CADPS: variants seen among roughly 807,000 people sequenced by gnomAD.
The protein encoded by CADPS is calcium dependent secretion activator.
Under a neutral mutation model 167.3 loss-of-function variants are expected in CADPS, and 57 were observed. The observed-to-expected ratio is 0.34, with a 90% CI of 0.28 to 0.42. The LOEUF is 0.42. Ranked by LOEUF, CADPS falls within the 20% of genes least tolerant of loss-of-function variation. The pLI is 1.00. For missense variants in CADPS, 1,414 were observed against 1,738.1 expected, an observed-to-expected ratio of 0.81 and a Z score of 3.32; for synonymous variants, 676 against 635.3, an observed-to-expected ratio of 1.06 and a Z score of -0.96.
intron 3 of CADPS, among the ~76,000 whole-genome samples, chr3:62,731,609 T>C (rs537647191): frequency 6.6e-6 from 1 of 151,976 alleles, no homozygotes; most frequent in East Asian, 1.9e-4. Flanking sequence ...TGAAAAGCCA[T>C]CACAAGTACT....
chr3:62,837,837 A>G (rs1036709121), intron 1 of CADPS, among the ~76,000 whole-genome samples: 1 of 152,298 alleles, frequency 6.6e-6, no homozygotes, highest in Non-Finnish European at 1.5e-5. Context: ...AAATGAAGGA[A>G]AATTGTAACT....
In CADPS at chr3:62,547,588, C is replaced by G. The variant is rs113869286; in HGVS notation, c.1966+2315G>C. Among the ~76,000 whole-genome samples, 18 of 60,728 alleles carry G rather than the reference C, an allele frequency of 3.0e-4. No homozygotes were observed. The South Asian group carries it at 4.3e-3, about 15-fold the overall frequency. 39.8% of individuals were successfully genotyped at this position (60,728 alleles called of 152,430 possible). On this transcript the variant is annotated intron_variant, in intron 11 of 29. Transcript: ENST00000383710. ...TCCCTAGGGATGATATCATTTACGC[C>G]CCCCCCCCCCCGCAAATTCTAACTC...
At chr3:62,443,059 T>TA (rs1226524471) in intron 27 of CADPS, among the ~76,000 whole-genome samples, 3 of 152,302 alleles carry the variant, frequency 2.0e-5, no homozygotes, top group East Asian at 1.9e-4. Context: ...TAATAGCTGG[T>TA]AAAAAAATAC....
At chr3:62,598,804 T>TTTA (rs1334996187) in intron 6 of CADPS, among the ~76,000 whole-genome samples, 7 of 152,214 alleles carry the variant, frequency 4.6e-5, no homozygotes, top group Non-Finnish European at 7.3e-5. Context: ...CATTCACTGC[T>TTTA]TTATGTCTTG....
intron 1 of CADPS, among the ~76,000 whole-genome samples, chr3:62,856,747 C>A (rs2079765008): frequency 6.6e-6 from 1 of 151,604 alleles, no homozygotes; most frequent in East Asian, 1.9e-4. Context: ...GCATTTAACA[C>A]AACTAGAGAG....
intron 3 of CADPS, among the ~76,000 whole-genome samples, chr3:62,681,487 T>C (rs1487384087): frequency 6.6e-6 from 1 of 152,030 alleles, no homozygotes; most frequent in African/African-American, 2.4e-5. Context: ...AAATGGATCT[T>C]CCTTCTATTG....
At chr3:62,812,890 T>C (rs896080631) in intron 1 of CADPS, among the ~76,000 whole-genome samples, 6 of 152,090 alleles carry the variant, frequency 3.9e-5, no homozygotes, top group Non-Finnish European at 8.8e-5. Flanking sequence ...CTGGTGGAAA[T>C]TAAATGAGCT....
chr3:62,456,699 T>A lies in CADPS; in HGVS notation c.3636+8668A>T, dbSNP rs1020469930. On this transcript the variant is annotated intron_variant, in intron 26 of 29. Transcript: ENST00000383710. ...TATCCTGCACTTGGGATATACTCAG[T>A]GGTATGCTGGTTTCTGAAAAGCTCA... Among the ~76,000 whole-genome samples the A allele has an allele frequency of 4.0e-5, 6 of 151,270 alleles. No homozygotes were observed. In the East Asian group the frequency reaches 9.7e-4, roughly 24 times the overall value.
intron 1 of CADPS, among the ~76,000 whole-genome samples, chr3:62,803,981 T>C (rs1239561403): frequency 1.3e-5 from 2 of 152,092 alleles, no homozygotes; most frequent in African/African-American, 2.4e-5. Context: ...GGCCTTCTAA[T>C]GTCACTGGAA....
At position 62,433,958 on chromosome 3, in the gene CADPS, T is replaced by A. The variant is rs1011800547; in HGVS notation, c.3777+4146A>T. 3.9e-5 allele frequency among the ~76,000 whole-genome samples: 6 copies of A among 152,202 alleles called. No individual in the cohort carries two copies. Among genetic ancestry groups the A allele is most frequent in the African/African-American group, 1.4e-4 (6 of 41,452 alleles). On this transcript the variant is annotated intron_variant, in intron 28 of 29. Transcript: ENST00000383710. This position sits in a 1 kb window ranked among gnomAD's most constrained non-coding sequence, Gnocchi z 4.7. ...ACTTTAAATCACTGTCTTCAAGTTA[T>A]TTCTTGAGCTTGTGCTTTCCTCTGT...
rs749601515 is a variant in CADPS at position 62,399,452 on chromosome 3, C to T, written c.4016G>A (p.Gly1339Asp). The T allele has an allele frequency of 1.2e-6, 2 of 1,614,156 alleles. No homozygotes were observed. The highest frequency in any genetic ancestry group is 8.5e-7 in the Non-Finnish European group (1 of 1,179,998). ...ASVSEGGGLQ[G>D]ISMKDSDEED... The stretch of plus-strand genomic sequence containing the variant: ...CTCATCGCTGTCCTTCATGCTGATG[C>T]CCTGCAGTCCCCCACCTTCACTCAC... Residue 1339 changes from glycine to aspartate, a missense_variant, in exon 30 of 30, where the codon GGC becomes GAC. By Grantham distance (94) the Gly-to-Asp change is moderately conservative. Around this residue, in one of 6 missense-constraint regions of CADPS, gnomAD observed 185 missense variants for 251.5 expected, o/e 0.74. Transcript: ENST00000383710. This position sits in a 1 kb window ranked among gnomAD's most constrained non-coding sequence, Gnocchi z 5.6.
At chr3:62,555,745 C>CAAA (rs1476872173) in intron 10 of CADPS, among the ~76,000 whole-genome samples, 1 of 152,046 alleles carries the variant, frequency 6.6e-6, no homozygotes, top group African/African-American at 2.4e-5. Context: ...TTATTCTTTA[C>CAAA]AATTCTATTT....
chr3:62,438,937 A>G lies in CADPS; in HGVS notation c.3670-726T>C, dbSNP rs761192121. On this transcript the variant is annotated intron_variant, in intron 27 of 29. Transcript: ENST00000383710. The surrounding 1 kb of genome is among the most constrained non-coding windows in gnomAD (Gnocchi z 4.7). ...AGAGGATTTGATTTTTAAATAAATC[A>G]GATTTTCTGGAAAGGTAAGCTGGTG... 1.4e-4 allele frequency: 22 copies of G among 152,162 alleles called. No individual in the cohort carries two copies. Among genetic ancestry groups the G allele is most frequent in the African/African-American group, 2.9e-4 (12 of 41,432 alleles). 9.4% of individuals were successfully genotyped at this position (152,162 alleles called of 1,614,324 possible).
At chr3:62,437,822 G>C (rs897487138) in intron 28 of CADPS, among the ~76,000 whole-genome samples, 1 of 152,160 alleles carries the variant, frequency 6.6e-6, no homozygotes, top group Non-Finnish European at 1.5e-5. Context: ...CAGTTAGAGA[G>C]AGCTGCCTTG....
At chr3:62,512,141 G>A (rs545163098) in intron 17 of CADPS, among the ~76,000 whole-genome samples, 19 of 152,218 alleles carry the variant, frequency 1.2e-4, no homozygotes, top group African/African-American at 3.9e-4. Flanking sequence ...ATTTATTAAA[G>A]TTTTAAGTCA....
chr3:62,852,444 A>C (rs1472484591), intron 1 of CADPS, among the ~76,000 whole-genome samples: 1 of 151,934 alleles, frequency 6.6e-6, no homozygotes, highest in Non-Finnish European at 1.5e-5. Flanking sequence ...ATTTTCTTTG[A>C]GATTACTTTT....
chr3:62,457,901 G>A (rs2058884029), intron 26 of CADPS, among the ~76,000 whole-genome samples: 1 of 152,084 alleles, frequency 6.6e-6, no homozygotes, highest in Non-Finnish European at 1.5e-5. Context: ...TGGACACAGG[G>A]AGGGAAACAT....
In CADPS at chr3:62,836,058, G is replaced by GGT. The variant is rs200303234; in HGVS notation, c.441+38529_441+38530dup. 7.4e-3 allele frequency among the ~76,000 whole-genome samples: 1,119 copies of GGT among 152,196 alleles called. 11 individuals carry two copies. The highest frequency in any genetic ancestry group is 0.044 in the Middle Eastern group (13 of 294). On this transcript the variant is annotated intron_variant, in intron 1 of 29. Transcript: ENST00000383710. ...TCACTAGTTTTGTTGAGCACCCTCTGGTTAATCCAGTGTTTCCTAACCTTG... is the reference window on the plus strand; with the variant it reads ...TCACTAGTTTTGTTGAGCACCCTCTGGTGTTAATCCAGTGTTTCCTAACCTTG...
intron 17 of CADPS, among the ~76,000 whole-genome samples, chr3:62,508,824 G>T (rs1026226121): frequency 1.3e-5 from 2 of 151,998 alleles, no homozygotes; most frequent in African/African-American, 4.8e-5. Flanking sequence ...GAGAGACACT[G>T]GTTTCATATT....
Sources: allele counts gnomAD v4.1 joint callset (sites outside exome capture counted in the v4.1 genomes callset), GRCh38; gene constraint gnomAD v4.1.1; regional missense constraint gnomAD v4.1.1; non-coding constraint Gnocchi (gnomAD v3.1); transcripts MANE v1.5; gene names NCBI Gene and HGNC (gene_info 2026-07-23, HGNC 2026-07-21).